MAP3K5: variants seen among roughly 807,000 people sequenced by gnomAD.
MAP3K5 encodes ASK-1.
A neutral mutation model predicts 158.7 loss-of-function variants in MAP3K5; 56 were observed. The observed-to-expected ratio is 0.35, with a 90% CI of 0.28 to 0.44. The LOEUF (loss-of-function observed/expected upper bound fraction) is 0.44. Ranked by LOEUF, MAP3K5 falls within the 20% of genes least tolerant of loss-of-function variation. The pLI is 1.00. For missense variants in MAP3K5, 1,294 were observed against 1,674.8 expected, an observed-to-expected ratio of 0.77 and a Z score of 3.97; for synonymous variants, 579 against 601.7, an observed-to-expected ratio of 0.96 and a Z score of 0.55.
At chr6:136,783,261 A>G (rs1784694476) in intron 1 of MAP3K5, among the ~76,000 whole-genome samples, 1 of 144,684 alleles carries the variant, frequency 6.9e-6, no homozygotes, top group Admixed American at 7.2e-5. Context: ...CCTGGGTGAC[A>G]GAGCAAGATC....
At position 136,573,367 on chromosome 6, in the gene MAP3K5, C is replaced by T. The variant is rs79266118; in HGVS notation, c.3518-5493G>A. Among the ~76,000 whole-genome samples the T allele has an allele frequency of 4.0e-3, 604 of 152,320 alleles. 6 individuals are homozygous for T. Among genetic ancestry groups the T allele is most frequent in the East Asian group, 0.039 (205 of 5,192 alleles). Reference sequence around the variant, plus strand: ...CTTTGGAGTCAGACTGATTATACCACCAGCTTTCTTGGTTCTCCAGTTTAC... The same window carrying T: ...CTTTGGAGTCAGACTGATTATACCATCAGCTTTCTTGGTTCTCCAGTTTAC... On this transcript the variant is annotated intron_variant, in intron 25 of 29. Transcript: ENST00000359015.
At chr6:136,639,203 C>T (rs9494546) in intron 13 of MAP3K5, among the ~76,000 whole-genome samples, 2,095 of 151,760 alleles carry the variant, frequency 0.014, 50 homozygotes, top group African/African-American at 0.047. Context: ...AATACTGAGA[C>T]GATTTAAAAG....
chr6:136,641,406 T>C (rs1777925743), intron 12 of MAP3K5, among the ~76,000 whole-genome samples: 1 of 152,200 alleles, frequency 6.6e-6, no homozygotes, highest in South Asian at 2.1e-4. Flanking sequence ...TAAACAGTAG[T>C]TAGCACATCT....
intron 15 of MAP3K5, among the ~76,000 whole-genome samples, chr6:136,620,525 C>T (rs1375906031): frequency 1.3e-5 from 2 of 152,054 alleles, no homozygotes; most frequent in African/African-American, 2.4e-5. Context: ...AGACAGGTAA[C>T]CTGGGGAGCT....
chr6:136,611,969 C>T (rs934925651), intron 17 of MAP3K5, among the ~76,000 whole-genome samples: 2 of 152,138 alleles, frequency 1.3e-5, no homozygotes, highest in Non-Finnish European at 2.9e-5. Flanking sequence ...TCTTTACAGG[C>T]TTCTCCATTT....
intron 1 of MAP3K5, among the ~76,000 whole-genome samples, chr6:136,737,936 C>T (rs1782544704): frequency 1.3e-5 from 2 of 152,136 alleles, no homozygotes; most frequent in Non-Finnish European, 2.9e-5. Flanking sequence ...GGTAGAATTT[C>T]AGGATGCAGG....
chr6:136,791,557 G>A (rs1444233317), intron 1 of MAP3K5, among the ~76,000 whole-genome samples, 153 bp downstream of exon 1: 1 of 152,192 alleles, frequency 6.6e-6, no homozygotes. Context: ...CCGGAGCGGC[G>A]AGCGACAGGA....
rs373027261 is a variant in MAP3K5, at chr6:136,790,313, T to TA, written c.448+1396dup. 8.7e-3 allele frequency among the ~76,000 whole-genome samples: 1,329 copies of TA among 152,248 alleles called. 11 individuals carry two copies. Among genetic ancestry groups the TA allele is most frequent in the African/African-American group, 0.031 (1,279 of 41,546 alleles). ...GGAAAAAAACGCCCAATCAGTGCAA[T>TA]AAAAATAGGCTCAAGTGTTCAGTTG... On this transcript the variant is annotated intron_variant, in intron 1 of 29. Transcript: ENST00000359015.
At chr6:136,611,831 G>A (rs937851877) in intron 17 of MAP3K5, among the ~76,000 whole-genome samples, 3 of 152,202 alleles carry the variant, frequency 2.0e-5, no homozygotes, top group South Asian at 4.1e-4. Flanking sequence ...CCTAAAGTCC[G>A]CTAAGATGTA....
At chr6:136,585,256 G>A (rs571420835) in intron 23 of MAP3K5, among the ~76,000 whole-genome samples, 13 of 151,218 alleles carry the variant, frequency 8.6e-5, no homozygotes, top group African/African-American at 3.1e-4. Context: ...AGGGACTATA[G>A]GCATGTGCCA....
chr6:136,690,360 T>C (rs1780334590), intron 7 of MAP3K5, among the ~76,000 whole-genome samples: 1 of 152,190 alleles, frequency 6.6e-6, no homozygotes, highest in Non-Finnish European at 1.5e-5. Context: ...ATGTCTAAGA[T>C]TTACTCTAGG....
At chr6:136,610,617 T>TC (rs1465710614) in intron 18 of MAP3K5, among the ~76,000 whole-genome samples, 10 of 125,616 alleles carry the variant, frequency 8.0e-5, no homozygotes, top group African/African-American at 2.8e-4. Flanking sequence ...AAAAAAAAAA[T>TC]CTTGCTAGAG....
chr6:136,752,664 G>A (rs1260506185), intron 1 of MAP3K5, among the ~76,000 whole-genome samples: 1 of 152,144 alleles, frequency 6.6e-6, no homozygotes, highest in Admixed American at 6.5e-5. Context: ...CGCCCTCCTC[G>A]GCCTCCCAGA....
intron 14 of MAP3K5, among the ~76,000 whole-genome samples, chr6:136,629,797 TTATTTATTTATTTA>T (rs1777244832): frequency 1.5e-5 from 1 of 64,914 alleles, no homozygotes; most frequent in Admixed American, 1.6e-4. Flanking sequence ...ATTTATTTAT[TTATTTATTTATTTA>T]GAGTCTCACT....
intron 1 of MAP3K5, among the ~76,000 whole-genome samples, chr6:136,749,910 G>A (rs1048803165): frequency 6.6e-6 from 1 of 152,052 alleles, no homozygotes; most frequent in African/African-American, 2.4e-5. Flanking sequence ...CAGCTATATC[G>A]GTAAACCACC....
At chr6:136,611,107 C>CAAAAAAAAAAAAAAAAAAAAAAAA (rs59508317) in intron 18 of MAP3K5, among the ~76,000 whole-genome samples, 175 bp downstream of exon 18, 7 of 24,450 alleles carry the variant, frequency 2.9e-4, no homozygotes, top group Non-Finnish European at 4.2e-4. Context: ...GACCCTGTCT[C>CAAAAAAAAAAAAAAAAAAAAAAAA]AAAAAAAAAA....
intron 2 of MAP3K5, among the ~76,000 whole-genome samples, chr6:136,720,102 G>A (rs1419962832): frequency 6.6e-6 from 1 of 152,136 alleles, no homozygotes; most frequent in Non-Finnish European, 1.5e-5. Context: ...TTGGGAGACT[G>A]GTGGGCACCA....
At chr6:136,773,214 A>G (rs1406975379) in intron 1 of MAP3K5, among the ~76,000 whole-genome samples, 1 of 152,150 alleles carries the variant, frequency 6.6e-6, no homozygotes, top group Non-Finnish European at 1.5e-5. Context: ...ACCTCATCCC[A>G]TCTGAGGCAT....
chr6:136,782,299 A>G (rs75628600), intron 1 of MAP3K5, among the ~76,000 whole-genome samples: 1 of 151,718 alleles, frequency 6.6e-6, no homozygotes, highest in Admixed American at 6.6e-5. Flanking sequence ...AAAAAAAAAA[A>G]AGACAAGAAA....
Sources: gnomAD v4.1 joint callset for allele counts (sites outside exome capture counted in the v4.1 genomes callset) on GRCh38, gnomAD v4.1.1 for gene constraint, MANE v1.5 for transcripts, NCBI Gene and HGNC (gene_info 2026-07-23, HGNC 2026-07-21) for gene names.